The following GABPB2 variants were observed in gnomAD, a reference collection of about 807,000 sequenced individuals.
GABPB2 encodes the protein GA-binding protein subunit beta-2.
A neutral mutation model predicts 39.1 loss-of-function variants in GABPB2; 23 were observed. The observed-to-expected ratio is 0.59, with a 90% CI of 0.42 to 0.83. The LOEUF (loss-of-function observed/expected upper bound fraction) is 0.83. Among genes scored for constraint, GABPB2 ranks in the 40% least tolerant of loss-of-function variants. GABPB2 has a pLI of 0.00. For missense variants in GABPB2, 467 were observed against 541.1 expected (o/e 0.86, Z 1.36); for synonymous variants, 184 against 199.3 (o/e 0.92, Z 0.65).
At chr1:151,107,003 G>C in intron 6 of GABPB2, 34 bp from the exon 7 acceptor site, 1 of 1,501,498 alleles carries the variant, frequency 6.7e-7, no homozygotes. Context: ...TTTTTAAAAA[G>C]CTGAAATTTT....
intron 1 of GABPB2, among the ~76,000 whole-genome samples, chr1:151,079,750 G>A (rs947185018): frequency 1.3e-5 from 2 of 151,732 alleles, no homozygotes; most frequent in African/African-American, 4.8e-5. Flanking sequence ...TACAAAATTA[G>A]CTGGGCATGG....
chr1:151,101,593 A>G (rs587712066), intron 5 of GABPB2, among the ~76,000 whole-genome samples: 1 of 152,180 alleles, frequency 6.6e-6, no homozygotes, highest in East Asian at 1.9e-4. Context: ...AAGAAAAAGA[A>G]AAAAGAAAAG....
Position 151,124,286 on chromosome 1 carries a change from G to C in GABPB2, c.*6030G>C, listed in dbSNP as rs111331229. 5,295 of 150,940 alleles carry C rather than the reference G, an allele frequency of 0.035. 262 individuals carry two copies. Among genetic ancestry groups the C allele is most frequent in the African/African-American group, 0.11 (4,563 of 41,098 alleles). 9.4% of individuals were successfully genotyped at this position (150,940 alleles called of 1,614,324 possible). The stretch of plus-strand genomic sequence containing the variant: ...AAGCGATTCTTCTGCCTCAGCCTCT[G>C]AAGTAGCTGGGATTACAGGCACGCG... On this transcript the variant is annotated 3_prime_UTR_variant, in exon 9 of 9. Coordinates refer to ENST00000368918, the MANE Select transcript of GABPB2 (RefSeq NM_144618.3).
At chr1:151,111,795 A>G (rs1192318068) in intron 7 of GABPB2, 3 of 150,578 alleles carry the variant, frequency 2.0e-5, no homozygotes, top group East Asian at 2.0e-4. Flanking sequence ...CGGCCTCCCA[A>G]AGTGCTGGGA....
chr1:151,079,784 T>C (rs1677498329), intron 1 of GABPB2, among the ~76,000 whole-genome samples: 1 of 151,692 alleles, frequency 6.6e-6, no homozygotes, highest in South Asian at 2.1e-4. Context: ...TAATACCAGC[T>C]ACTCGGGAGG....
intron 5 of GABPB2, among the ~76,000 whole-genome samples, chr1:151,103,044 C>CTTTTTTT (rs376522230): frequency 6.8e-5 from 6 of 88,236 alleles, no homozygotes; most frequent in East Asian, 3.5e-4. Context: ...ACAAAGTATA[C>CTTTTTTT]TTTTTTTTTT....
intron 1 of GABPB2, among the ~76,000 whole-genome samples, chr1:151,085,606 AAT>A (rs748826153): frequency 2.4e-4 from 36 of 150,020 alleles, no homozygotes; most frequent in Non-Finnish European, 2.5e-4. Flanking sequence ...ACACCTGGCT[AAT>A]ATATATATAT....
intron 6 of GABPB2, among the ~76,000 whole-genome samples, chr1:151,106,407 G>A (rs1274114424): frequency 6.6e-6 from 1 of 151,416 alleles, no homozygotes; most frequent in East Asian, 2.0e-4. Flanking sequence ...GCTCCATCTC[G>A]ACTCACTGCA....
intron 1 of GABPB2, among the ~76,000 whole-genome samples, chr1:151,077,839 C>T (rs1677312544): frequency 6.6e-6 from 1 of 151,432 alleles, no homozygotes; most frequent in African/African-American, 2.4e-5. Flanking sequence ...CTAATCCTAG[C>T]TATTCAGAAG....
chr1:151,097,334 C>T (rs1458503844), intron 4 of GABPB2, among the ~76,000 whole-genome samples: 2 of 152,118 alleles, frequency 1.3e-5, no homozygotes, highest in Non-Finnish European at 2.9e-5. Flanking sequence ...GGAAAGCAAC[C>T]TAACAACTCT....
chr1:151,117,706 C>A (rs1680983617), intron 8 of GABPB2, among the ~76,000 whole-genome samples, 190 bp downstream of exon 8: 2 of 152,186 alleles, frequency 1.3e-5, no homozygotes, highest in African/African-American at 4.8e-5. Context: ...GCCTCAGCCT[C>A]CTGAGTAGCT....
rs200638572 is a variant in GABPB2 at position 151,118,233 on chromosome 1, T to C, written c.1324T>C (p.Ser442Pro). The change falls in exon 9 of 9, where the codon TCC becomes CCC. Residue 442 changes from serine to proline, a missense_variant. Transcript: ENST00000368918. ...AGTTEPHTRV[S>P]MATVSS ...GACCACAGAGCCTCACACTAGAGTTTCCATGGCAACTGTTTCATCTTAATA... is the reference window on the plus strand; with the variant it reads ...GACCACAGAGCCTCACACTAGAGTTCCCATGGCAACTGTTTCATCTTAATA... The C allele has an allele frequency of 1.1e-5, 18 of 1,613,098 alleles. No homozygotes were observed. The East Asian group carries it at 4.0e-4, about 36-fold the overall frequency.
intron 1 of GABPB2, among the ~76,000 whole-genome samples, chr1:151,078,617 C>T (rs587631462): frequency 7.9e-5 from 12 of 151,834 alleles, no homozygotes; most frequent in African/African-American, 2.9e-4. Flanking sequence ...AAAAAAAATT[C>T]ATTTTACTTT....
chr1:151,117,843 C>G (rs1680997918), intron 8 of GABPB2, 114 bp from the exon 9 acceptor site: 2 of 1,051,752 alleles, frequency 1.9e-6, no homozygotes, highest in Non-Finnish European at 2.8e-6. Context: ...CTCTGCCTCC[C>G]AAAGTGCTTG....
intron 1 of GABPB2, among the ~76,000 whole-genome samples, chr1:151,086,021 G>T (rs1021325123): frequency 6.6e-6 from 1 of 152,098 alleles, no homozygotes; most frequent in Non-Finnish European, 1.5e-5. Flanking sequence ...AAGATGGGTC[G>T]ATTGCTTGAG....
At chr1:151,081,186 T>C (rs904216227) in intron 1 of GABPB2, among the ~76,000 whole-genome samples, 8 of 151,660 alleles carry the variant, frequency 5.3e-5, no homozygotes, top group Non-Finnish European at 1.2e-4. Context: ...ATAAAACATT[T>C]TTATAAAAAA....
intron 1 of GABPB2, among the ~76,000 whole-genome samples, chr1:151,077,574 C>T (rs966829084): frequency 6.6e-6 from 1 of 151,352 alleles, no homozygotes; most frequent in Admixed American, 6.6e-5. Context: ...CCAGAATGGT[C>T]TTGTTCTCTT....
At chr1:151,091,232 C>T (rs1320204848) in intron 3 of GABPB2, among the ~76,000 whole-genome samples, 2 of 148,948 alleles carry the variant, frequency 1.3e-5, no homozygotes, top group Admixed American at 1.3e-4. Flanking sequence ...GGATTACAGG[C>T]GCCCGCCACT....
chr1:151,072,516 T>C (rs1463410649), intron 1 of GABPB2, among the ~76,000 whole-genome samples: 1 of 151,758 alleles, frequency 6.6e-6, no homozygotes, highest in Admixed American at 6.6e-5. Context: ...ACCACTGCAC[T>C]CCAGCCTGGA....
Sources: gnomAD v4.1 joint callset for allele counts (sites outside exome capture counted in the v4.1 genomes callset) on GRCh38, gnomAD v4.1.1 for gene constraint, MANE v1.5 for transcripts, NCBI Gene and HGNC (gene_info 2026-07-23, HGNC 2026-07-21) for gene names.